Variants in KIF24 observed in about 807,000 individuals in gnomAD.
KIF24 encodes the protein kinesin-like protein KIF24.
Under a neutral mutation model 118.9 loss-of-function variants are expected in KIF24, and 81 were observed. The ratio of observed to expected loss-of-function variants is 0.68; its 90% confidence interval spans 0.57 to 0.82. The LOEUF (loss-of-function observed/expected upper bound fraction) is 0.82. KIF24 is among the 40% of genes least tolerant of loss of function. KIF24 has a pLI of 0.00. For missense variants in KIF24, 1,560 were observed against 1,661.6 expected (o/e 0.94, Z 1.06); for synonymous variants, 599 against 610.0 (o/e 0.98, Z 0.27).
At chr9:34,321,606 T>C (rs1032614999) in intron 1 of KIF24, among the ~76,000 whole-genome samples, 78 of 145,184 alleles carry the variant, frequency 5.4e-4, no homozygotes, top group Non-Finnish European at 7.9e-4. Context: ...ACTTCTTCTT[T>C]TTTTTTTTTT....
rs1563933879 is a variant in KIF24 at position 34,257,873 on chromosome 9, C to CA, written c.1733dup (p.Leu578PhefsTer48). 1.2e-6 allele frequency: 2 copies of CA among 1,614,010 alleles called. No homozygotes were observed. The highest frequency in any genetic ancestry group is 2.2e-5 in the South Asian group (2 of 91,086). On this transcript the variant is annotated frameshift_variant, in exon 11 of 13. Coordinates refer to ENST00000402558, the MANE Select transcript of KIF24 (RefSeq NM_194313.4). LOFTEE classifies it high-confidence loss of function. ...TTTTGGGAGAACATTTGTCCTCTGA[C>CA]AAAGCCCCAGGGGAGCTCTGAATTC...
In KIF24 at chr9:34,302,775, A is replaced by ATT. The variant is rs745922271; in HGVS notation, c.813+3475_813+3476dup. On this transcript the variant is annotated intron_variant, in intron 3 of 12. Coordinates refer to ENST00000402558, the MANE Select transcript of KIF24 (RefSeq NM_194313.4). Reference sequence around the variant, plus strand: ...AGCCGCTGTGCCTCACCACCAGCTAATTTTTTTTTTTTTTTTCTGAGACGG... The same window carrying ATT: ...AGCCGCTGTGCCTCACCACCAGCTAATTTTTTTTTTTTTTTTTTCTGAGACGG... Among the ~76,000 whole-genome samples the ATT allele has an allele frequency of 1.3e-3, 168 of 125,118 alleles. 1 individual carries two copies. The highest frequency in any genetic ancestry group is 3.3e-3 in the African/African-American group (107 of 32,648). The allele number at this position is 125,118 out of a possible 152,430, so 82.1% of individuals were successfully genotyped here. A position where few individuals can be genotyped will look rare whatever the true frequency, so the allele number is the denominator to read the frequency against.
intron 10 of KIF24, among the ~76,000 whole-genome samples, 172 bp from the exon 11 acceptor site, chr9:34,258,153 AT>A (rs1464342014): frequency 2.6e-5 from 4 of 152,192 alleles, no homozygotes; most frequent in Admixed American, 1.3e-4. Flanking sequence ...AGCATGAGAT[AT>A]CCCTCTGTAC....
chr9:34,293,620 G>A (rs1442591191), intron 4 of KIF24, among the ~76,000 whole-genome samples: 1 of 151,730 alleles, frequency 6.6e-6, no homozygotes, highest in Non-Finnish European at 1.5e-5. Flanking sequence ...CTAAAAAATA[G>A]AAAAAATTAG....
intron 4 of KIF24, among the ~76,000 whole-genome samples, chr9:34,290,933 A>G (rs1171002132): frequency 2.0e-5 from 3 of 152,134 alleles, no homozygotes. Context: ...TTACAGAACC[A>G]GTAAGAGAAA....
At chr9:34,330,255 G>A (rs552774324), upstream of KIF24, among the ~76,000 whole-genome samples, 133 of 152,046 alleles carry the variant, frequency 8.7e-4, no homozygotes, top group African/African-American at 3.0e-3. Context: ...AAATACAAAA[G>A]TTAGCCAGGC....
chr9:34,305,860 C>G (rs1836894644), intron 3 of KIF24, among the ~76,000 whole-genome samples: 1 of 152,184 alleles, frequency 6.6e-6, no homozygotes, highest in South Asian at 2.1e-4. Context: ...CCCACTGCAG[C>G]CTCCCAAAGC....
intron 9 of KIF24, 24 bp from the exon 10 acceptor site, chr9:34,259,729 A>G: frequency 6.6e-7 from 1 of 1,506,636 alleles, no homozygotes; most frequent in Non-Finnish European, 9.2e-7. Flanking sequence ...AAGGCAGGTC[A>G]ATGAGTGAAG....
At chr9:34,290,597 CT>C (rs374738317) in intron 4 of KIF24, among the ~76,000 whole-genome samples, 4,531 of 137,436 alleles carry the variant, frequency 0.033, 184 homozygotes, top group African/African-American at 0.1. Context: ...ACAAGTTTTC[CT>C]TTTTTTTTTT....
intron 5 of KIF24, among the ~76,000 whole-genome samples, chr9:34,287,778 C>T (rs1489920935): frequency 6.6e-6 from 1 of 151,974 alleles, no homozygotes; most frequent in Non-Finnish European, 1.5e-5. Context: ...TGTCTGTAGT[C>T]CCAGCTATTC....
At position 34,270,393 on chromosome 9, in the gene KIF24, G is replaced by A. The variant is rs982759480; in HGVS notation, c.1338-1031C>T. On this transcript the variant is annotated intron_variant, in intron 7 of 12. Transcript: ENST00000402558. ...TAGCCAGGCGTGGTGGCGGGTGCCT[G>A]TAGTCCCAGCTACTCAGGAGGCTGA... Among the ~76,000 whole-genome samples the A allele has an allele frequency of 1.3e-3, 196 of 150,896 alleles. 2 individuals carry two copies. The highest frequency in any genetic ancestry group is 4.2e-3 in the African/African-American group (174 of 41,070).
chr9:34,296,985 A>C, intron 4 of KIF24, 32 bp downstream of exon 4: 3 of 1,125,684 alleles, frequency 2.7e-6, no homozygotes, highest in Non-Finnish European at 3.9e-6. Flanking sequence ...TAGAAAATAA[A>C]AAGCAAAAAA....
chr9:34,280,873 C>T (rs1026766881), intron 6 of KIF24, among the ~76,000 whole-genome samples: 2 of 152,012 alleles, frequency 1.3e-5, no homozygotes, highest in African/African-American at 4.8e-5. Flanking sequence ...TGCACACACC[C>T]AAGTCCCAAG....
chr9:34,325,195 A>G (rs1837635657), intron 1 of KIF24, among the ~76,000 whole-genome samples: 1 of 151,202 alleles, frequency 6.6e-6, no homozygotes, highest in Non-Finnish European at 1.5e-5. Flanking sequence ...ATAAATAAAA[A>G]TTAATTGGGC....
At chr9:34,268,376 G>C (rs1315601890) in intron 8 of KIF24, among the ~76,000 whole-genome samples, 1 of 152,104 alleles carries the variant, frequency 6.6e-6, no homozygotes, top group African/African-American at 2.4e-5. Context: ...ATGTTGGCCA[G>C]GCTGATCTAC....
intron 7 of KIF24, among the ~76,000 whole-genome samples, chr9:34,271,321 C>A (rs1835495260): frequency 9.4e-6 from 1 of 106,278 alleles, no homozygotes; most frequent in Admixed American, 1.2e-4. Flanking sequence ...GGACAGCAAT[C>A]CAGCAAAAAA....
Position 34,255,956 on chromosome 9 carries a change from G to A in KIF24, c.3651C>T (p.Asp1217=). The A allele has an allele frequency of 6.2e-7, 1 of 1,613,936 alleles. No homozygotes were observed. ...TPRTGSSDVA[D]QLWAQERKHP... ...GTTTTCTCTCCTGGGCCCAGAGCTG[G>A]TCAGCCACATCACTACTTCCTGTTC... The change falls in exon 11 of 13, where the codon GAC becomes GAT. Residue 1217 remains aspartate, a synonymous_variant. Transcript: ENST00000402558.
intron 1 of KIF24, among the ~76,000 whole-genome samples, chr9:34,313,984 G>C (rs1837257320): frequency 6.6e-6 from 1 of 150,482 alleles, no homozygotes; most frequent in Non-Finnish European, 1.5e-5. Flanking sequence ...CAAACCCCTG[G>C]GGCTCAAGTG....
rs765464596 is a variant in KIF24 at position 34,255,724 on chromosome 9, G to C, written c.3872+11C>G. The C allele has an allele frequency of 1.6e-5, 26 of 1,597,876 alleles. No individual in the cohort carries two copies. Among genetic ancestry groups the C allele is most frequent in the Non-Finnish European group, 2.1e-5 (25 of 1,171,514 alleles). On this transcript the variant is annotated intron_variant, in intron 11 of 12. Transcript: ENST00000402558. Reference sequence around the variant, plus strand: ...AAGGGGCTCAAGTCTTAGGGAAAGTGTCCAACTTACTGCGCTTGCTCCAGG... The same window carrying C: ...AAGGGGCTCAAGTCTTAGGGAAAGTCTCCAACTTACTGCGCTTGCTCCAGG...
Sources: allele counts gnomAD v4.1 joint callset (sites outside exome capture counted in the v4.1 genomes callset), GRCh38; gene constraint gnomAD v4.1.1; transcripts MANE v1.5; gene names NCBI Gene and HGNC (gene_info 2026-07-23, HGNC 2026-07-21).